The following PARN variants were observed in gnomAD, a reference collection of about 807,000 sequenced individuals.
PARN encodes the protein poly(A)-specific ribonuclease PARN.
Under a neutral mutation model 102.8 loss-of-function variants are expected in PARN, and 71 were observed. The ratio of observed to expected loss-of-function variants is 0.69; its 90% CI spans 0.57 to 0.84. The LOEUF (loss-of-function observed/expected upper bound fraction) is 0.84, where lower values mean the gene tolerates loss of function less well. Among genes scored for constraint, PARN ranks in the 40% least tolerant of loss-of-function variants. The probability of loss-of-function intolerance (pLI) is 0.00; values close to 1 mark genes in which losing one functional copy is unlikely to be tolerated. For synonymous variants in PARN, 261 were observed against 252.9 expected (o/e 1.03, Z -0.30); for missense variants, 782 against 760.9 (o/e 1.03, Z -0.33).
chr16:14,443,972 C>A (rs1328373515), intron 23 of PARN, among the ~76,000 whole-genome samples: 1 of 152,262 alleles, frequency 6.6e-6, no homozygotes, highest in South Asian at 2.1e-4. Flanking sequence ...CCGAACCAGA[C>A]CTTCGCGGCT....
chr16:14,612,710 G>T (rs546947092), intron 6 of PARN, among the ~76,000 whole-genome samples: 41 of 151,688 alleles, frequency 2.7e-4, no homozygotes, highest in African/African-American at 9.9e-4. Context: ...CAATTCTCCC[G>T]CCTCAGCCTC....
chr16:14,529,636 A>T (rs1438332582), intron 21 of PARN, among the ~76,000 whole-genome samples: 1 of 152,154 alleles, frequency 6.6e-6, no homozygotes, highest in Non-Finnish European at 1.5e-5. Flanking sequence ...TGCTGTTCAC[A>T]AAGTCCAAAT....
chr16:14,462,157 T>C (rs994603912), intron 22 of PARN, among the ~76,000 whole-genome samples: 2 of 152,176 alleles, frequency 1.3e-5, no homozygotes, highest in Non-Finnish European at 2.9e-5. Flanking sequence ...TTAATGTCCT[T>C]ATAGACATAA....
chr16:14,582,250 G>C lies in PARN; in HGVS notation c.1123C>G (p.Gln375Glu). 6.2e-7 allele frequency: 1 copy of C among 1,613,724 alleles called. No individual in the cohort carries two copies. The stretch of plus-strand genomic sequence containing the variant: ...GCATCGTAGCCTGCCTCGTGGAGTT[G>C]TTCAGAGGCTGTGTCATAACTTGGA... Reference protein sequence around the residue: ...GFPSYDTASEQLHEAGYDAYI... With the variant: ...GFPSYDTASEELHEAGYDAYI... Residue 375 changes from glutamine to glutamate, a missense_variant, in exon 17 of 24, where the codon CAA becomes GAA. Coordinates refer to ENST00000437198, the MANE Select transcript of PARN (RefSeq NM_002582.4).
chr16:14,582,689 A>C (rs912540702), intron 16 of PARN, among the ~76,000 whole-genome samples: 2 of 151,980 alleles, frequency 1.3e-5, no homozygotes, highest in African/African-American at 2.4e-5. Context: ...ATCCAGAGTA[A>C]AGATTAAGAG....
rs765639008 is a variant in PARN at position 14,610,721 on chromosome 16, C to A, written c.477G>T (p.Leu159=). 5 of 1,605,112 alleles carry A rather than the reference C, an allele frequency of 3.1e-6. No homozygotes were observed. Among genetic ancestry groups the A allele is most frequent in the Non-Finnish European group, 4.3e-6 (5 of 1,171,774 alleles). ...KRSQANGAGA[L]SYVSPNTSKC... is the part of the protein sequence containing the mutation. ...TTGAAGTGTTAGGAGATACATAGGA[C>A]AGAGCTCCTGCACCATTCGCCTGTG... The change falls in exon 7 of 24, where the codon CTG becomes CTT. Residue 159 remains leucine (L), a synonymous_variant. Transcript: ENST00000437198.
chr16:14,493,618 G>A (rs539117209), intron 21 of PARN, among the ~76,000 whole-genome samples: 2 of 152,286 alleles, frequency 1.3e-5, no homozygotes, highest in Non-Finnish European at 2.9e-5. Flanking sequence ...GAGTAAAGGA[G>A]GCGAAAAGAC....
At chr16:14,615,557 C>T (rs543864663) in intron 6 of PARN, among the ~76,000 whole-genome samples, 1 of 152,046 alleles carries the variant, frequency 6.6e-6, no homozygotes, top group African/African-American at 2.4e-5. Flanking sequence ...TTATTACCTC[C>T]GAAGATCAAA....
chr16:14,599,034 CTTCT>C (rs1219382600), intron 12 of PARN, among the ~76,000 whole-genome samples: 5 of 133,236 alleles, frequency 3.8e-5, no homozygotes, highest in East Asian at 2.0e-4. Flanking sequence ...TCTTTCTCCT[CTTCT>C]TTTTTTTTTT....
At chr16:14,538,336 A>G (rs1430590384) in intron 21 of PARN, among the ~76,000 whole-genome samples, 1 of 150,350 alleles carries the variant, frequency 6.7e-6, no homozygotes, top group Non-Finnish European at 1.5e-5. Context: ...CTCCTGCCTC[A>G]GCCTCCCAAG....
chr16:14,586,514 C>CA (rs923260774), intron 13 of PARN, among the ~76,000 whole-genome samples, 153 bp from the exon 14 acceptor site: 3 of 151,678 alleles, frequency 2.0e-5, no homozygotes, highest in African/African-American at 4.8e-5. Flanking sequence ...TTAACAAGTA[C>CA]AAAAAAAACA....
intron 21 of PARN, among the ~76,000 whole-genome samples, chr16:14,511,967 G>A (rs947686920): frequency 1.3e-5 from 2 of 152,168 alleles, no homozygotes; most frequent in Non-Finnish European, 2.9e-5. Context: ...GGGATTATAG[G>A]TGTGAGTCAC....
chr16:14,494,763 A>C (rs1047607426), intron 21 of PARN, among the ~76,000 whole-genome samples: 15 of 152,202 alleles, frequency 9.9e-5, no homozygotes, highest in African/African-American at 3.6e-4. Flanking sequence ...CCAGGGTAAT[A>C]AATATGGAGA....
rs1040633026 is a variant in PARN at position 14,537,341 on chromosome 16, G to T, written c.1480+14680C>A. On this transcript the variant is annotated intron_variant, in intron 21 of 23. Transcript: ENST00000437198. Reference sequence around the variant, plus strand: ...TGGGAACTCTTACACACTGTTGGTGGGATGGAAAATTAGGATGGCTACTAT... The same window carrying T: ...TGGGAACTCTTACACACTGTTGGTGTGATGGAAAATTAGGATGGCTACTAT... Among the ~76,000 whole-genome samples, 4 of 152,144 alleles carry T rather than the reference G, an allele frequency of 2.6e-5. No individual in the cohort carries two copies. In the South Asian group the frequency reaches 8.3e-4, roughly 31 times the overall value.
chr16:14,616,957 G>A (rs1042427110), intron 6 of PARN, among the ~76,000 whole-genome samples: 2 of 151,968 alleles, frequency 1.3e-5, no homozygotes, highest in African/African-American at 2.4e-5. Context: ...ACTATATCAC[G>A]CCAGTGGTAG....
At chr16:14,563,687 C>T (rs887460736) in intron 18 of PARN, among the ~76,000 whole-genome samples, 3 of 151,214 alleles carry the variant, frequency 2.0e-5, no homozygotes, top group African/African-American at 7.3e-5. Context: ...AGGTGCACAC[C>T]ACCGCACCTG....
intron 22 of PARN, among the ~76,000 whole-genome samples, chr16:14,451,654 G>C (rs1005329232): frequency 8.6e-5 from 13 of 151,812 alleles, no homozygotes; most frequent in Admixed American, 8.5e-4. Flanking sequence ...GGTAGAAAAT[G>C]AGGGAATTTT....
intron 6 of PARN, among the ~76,000 whole-genome samples, chr16:14,611,232 C>T (rs889282509): frequency 6.6e-6 from 1 of 152,170 alleles, no homozygotes; most frequent in African/African-American, 2.4e-5. Context: ...ATGGAAATGG[C>T]TTGGACGGTT....
intron 22 of PARN, among the ~76,000 whole-genome samples, chr16:14,459,243 T>A (rs540480997): frequency 6.6e-6 from 1 of 152,348 alleles, no homozygotes; most frequent in African/African-American, 2.4e-5. Context: ...TGTCTTTATT[T>A]GTAGATAGAA....
Sources: allele counts gnomAD v4.1 joint callset (sites outside exome capture counted in the v4.1 genomes callset), GRCh38; gene constraint gnomAD v4.1.1; transcripts MANE v1.5; gene names NCBI Gene and HGNC (gene_info 2026-07-23, HGNC 2026-07-21).